Variants in PRELID2 observed in about 807,000 individuals in gnomAD.
PRELID2 encodes the protein PRELI domain-containing protein 2.
A neutral mutation model predicts 28.4 loss-of-function variants in PRELID2; 25 were observed. That is an observed-to-expected ratio of 0.88 (90% CI 0.64 to 1.23). PRELID2 has a LOEUF of 1.23. Ranked by LOEUF, PRELID2 falls within the 50% of genes most tolerant of loss-of-function variation. The probability of loss-of-function intolerance (pLI) is 0.00; values close to 1 mark genes in which losing one functional copy is unlikely to be tolerated. For missense variants in PRELID2, 201 were observed against 214.4 expected (o/e 0.94, Z 0.39); for synonymous variants, 76 against 71.6 (o/e 1.06, Z -0.31).
At chr5:145,353,778 T>G in the PRELID2 span, among the ~76,000 whole-genome samples, 26 of 152,114 alleles carry the variant, frequency 1.7e-4, no homozygotes, top group African/African-American at 5.8e-4. Context: ...ATGGGGATTA[T>G]GGGAACTACA....
intron 5 of PRELID2, among the ~76,000 whole-genome samples, chr5:145,779,952 C>CTT (rs1758681432): frequency 1.3e-5 from 2 of 152,154 alleles, no homozygotes; most frequent in African/African-American, 4.8e-5. Context: ...ATGTTAATAA[C>CTT]AACAACTAGC....
chr5:145,800,976 T>TGGATGGATGGAC (rs1753097338), intron 4 of PRELID2, among the ~76,000 whole-genome samples: 1 of 152,054 alleles, frequency 6.6e-6, no homozygotes, highest in African/African-American at 2.4e-5. Flanking sequence ...GATGGATGGA[T>TGGATGGATGGAC]GGATGGATGG....
chr5:145,346,372 T>G, the PRELID2 span, among the ~76,000 whole-genome samples: 2 of 152,126 alleles, frequency 1.3e-5, no homozygotes, highest in Non-Finnish European at 2.9e-5. Context: ...CACTGATAGC[T>G]TCTACTCAAG....
intron 1 of PRELID2, among the ~76,000 whole-genome samples, chr5:145,671,770 T>C (rs1754711713): frequency 6.6e-6 from 1 of 152,190 alleles, no homozygotes; most frequent in Admixed American, 6.6e-5. Flanking sequence ...ATGTAAGATA[T>C]AACCTATTCT....
chr5:145,672,626 A>G (rs1385644958), intron 1 of PRELID2, among the ~76,000 whole-genome samples: 1 of 152,172 alleles, frequency 6.6e-6, no homozygotes, highest in East Asian at 1.9e-4. Context: ...ACTGCTAAGA[A>G]GGAGACAGCC....
chr5:145,379,786 C>T, the PRELID2 span, among the ~76,000 whole-genome samples: 1 of 152,150 alleles, frequency 6.6e-6, no homozygotes, highest in Non-Finnish European at 1.5e-5. Context: ...AGCCAACCTG[C>T]AGGAGCTCTG....
chr5:145,635,254 T>C (rs758038229), intron 1 of PRELID2, among the ~76,000 whole-genome samples: 103 of 152,174 alleles, frequency 6.8e-4, no homozygotes, highest in Admixed American at 7.9e-4. Flanking sequence ...TTTATATGCC[T>C]TCATCACAGA....
At chr5:145,422,767 A>T in the PRELID2 span, among the ~76,000 whole-genome samples, 2 of 150,500 alleles carry the variant, frequency 1.3e-5, no homozygotes, top group African/African-American at 2.4e-5. Context: ...TGTGAATTTG[A>T]TCCTGTCATT....
chr5:145,383,504 C>A, the PRELID2 span, among the ~76,000 whole-genome samples: 2 of 150,260 alleles, frequency 1.3e-5, no homozygotes, highest in South Asian at 4.2e-4. Flanking sequence ...AATAGAGAAA[C>A]CAGAAATAAA....
intron 1 of PRELID2, among the ~76,000 whole-genome samples, chr5:145,631,062 G>T (rs1156669801): frequency 6.6e-6 from 1 of 152,178 alleles, no homozygotes; most frequent in Non-Finnish European, 1.5e-5. Flanking sequence ...ATAATCAAAA[G>T]AAGTGATTGT....
At chr5:145,497,360 C>T (rs577720214) in intron 1 of PRELID2, among the ~76,000 whole-genome samples, 2 of 152,116 alleles carry the variant, frequency 1.3e-5, no homozygotes, top group Non-Finnish European at 2.9e-5. Context: ...CCACATGTAA[C>T]GTTATGGCTA....
chr5:145,235,522 A>G, the PRELID2 span, among the ~76,000 whole-genome samples: 3 of 152,166 alleles, frequency 2.0e-5, no homozygotes, highest in Non-Finnish European at 4.4e-5. Context: ...ATTGGCACTC[A>G]AATCGTCCCT....
At chr5:145,466,423 A>G in the PRELID2 span, among the ~76,000 whole-genome samples, 2 of 152,210 alleles carry the variant, frequency 1.3e-5, no homozygotes, top group Non-Finnish European at 2.9e-5. Flanking sequence ...GATCAAACTA[A>G]CATGAATTTA....
chr5:145,230,215 G>A, the PRELID2 span, among the ~76,000 whole-genome samples: 1 of 152,106 alleles, frequency 6.6e-6, no homozygotes, highest in South Asian at 2.1e-4. Flanking sequence ...CCCAAAGCCT[G>A]TAAACATCAT....
At chr5:145,251,572 G>A in the PRELID2 span, among the ~76,000 whole-genome samples, 2 of 152,098 alleles carry the variant, frequency 1.3e-5, no homozygotes, top group Non-Finnish European at 2.9e-5. Flanking sequence ...CTGGTGATGG[G>A]TAGTCAAGCA....
rs532972568 is a variant in PRELID2 at position 145,696,394 on chromosome 5, T to A, written n.70+68537A>T. Among the ~76,000 whole-genome samples, 3 of 152,240 alleles carry A rather than the reference T, an allele frequency of 2.0e-5. No individual in the cohort carries two copies. In the East Asian group the frequency reaches 5.8e-4, roughly 29 times the overall value. Reference sequence around the variant, plus strand: ...CATATACCTCAGAGACACCTTTCATTCGTTCGTTCATTCATTAATTTATTC... The same window carrying A: ...CATATACCTCAGAGACACCTTTCATACGTTCGTTCATTCATTAATTTATTC... On this transcript the variant is annotated intron_variant and non_coding_transcript_variant, in intron 1 of 2. Coordinates refer to the PRELID2 transcript ENST00000510259.
chr5:145,449,518 T>C, the PRELID2 span, among the ~76,000 whole-genome samples: 1 of 152,244 alleles, frequency 6.6e-6, no homozygotes, highest in South Asian at 2.1e-4. Context: ...AGCCTGGAGC[T>C]TGGGGTTTAT....
At chr5:145,545,424 C>T (rs530702026) in intron 1 of PRELID2, among the ~76,000 whole-genome samples, 1 of 149,248 alleles carries the variant, frequency 6.7e-6, no homozygotes, top group South Asian at 2.1e-4. Flanking sequence ...ACTGAAGCAA[C>T]CATGTATATA....
At chr5:145,413,506 A>G in the PRELID2 span, among the ~76,000 whole-genome samples, 2 of 152,132 alleles carry the variant, frequency 1.3e-5, no homozygotes, top group African/African-American at 4.8e-5. Flanking sequence ...AAGTCATTAT[A>G]TGAGAAAGAT....
Sources: allele counts gnomAD v4.1 joint callset (sites outside exome capture counted in the v4.1 genomes callset), GRCh38; gene constraint gnomAD v4.1.1; transcripts MANE v1.5; gene names NCBI Gene and HGNC (gene_info 2026-07-23, HGNC 2026-07-21).